CERS6: variants seen among roughly 807,000 people sequenced by gnomAD.
CERS6 encodes the protein LAG1 homolog, ceramide synthase 6.
CERS6 carries 26 observed loss-of-function variants against 56.8 expected under a neutral mutation model. The observed-to-expected ratio is 0.46, with a 90% CI of 0.34 to 0.63. The LOEUF (loss-of-function observed/expected upper bound fraction) is 0.63. Ranked by LOEUF, CERS6 falls within the 30% of genes least tolerant of loss-of-function variation. The pLI, the probability that CERS6 is intolerant of heterozygous loss-of-function variation, is 0.01. For missense variants in CERS6, 415 were observed against 467.5 expected, an observed-to-expected ratio of 0.89 and a Z score of 1.04; for synonymous variants, 164 against 173.3, an observed-to-expected ratio of 0.95 and a Z score of 0.42.
chr2:168,667,600 G>T (rs372136535), intron 4 of CERS6, among the ~76,000 whole-genome samples: 146 of 151,502 alleles, frequency 9.6e-4, no homozygotes, highest in African/African-American at 3.3e-3. Flanking sequence ...TTTTAAATAT[G>T]TTCTCTCTAA....
chr2:168,602,639 G>A (rs1349035365), intron 3 of CERS6, among the ~76,000 whole-genome samples: 6 of 152,210 alleles, frequency 3.9e-5, no homozygotes, highest in African/African-American at 7.2e-5. Flanking sequence ...TGCATGCAGA[G>A]TGGTCAGTGG....
intron 1 of CERS6, among the ~76,000 whole-genome samples, chr2:168,516,979 C>T (rs984054597): frequency 6.6e-6 from 1 of 151,928 alleles, no homozygotes; most frequent in Non-Finnish European, 1.5e-5. Context: ...GAGGCTTTCT[C>T]CTCCCCTCAT....
intron 3 of CERS6, among the ~76,000 whole-genome samples, chr2:168,609,728 T>G (rs1684138552): frequency 1.3e-5 from 2 of 152,140 alleles, no homozygotes; most frequent in Admixed American, 1.3e-4. Flanking sequence ...GGAACTTTCT[T>G]TGAGGTTTGT....
At chr2:168,506,603 A>G (rs1036959726) in intron 1 of CERS6, among the ~76,000 whole-genome samples, 22 of 152,208 alleles carry the variant, frequency 1.4e-4, no homozygotes, top group African/African-American at 5.1e-4. Context: ...GACAATAGAT[A>G]TGAGATCAGT....
chr2:168,488,557 G>A (rs1408192486), intron 1 of CERS6, among the ~76,000 whole-genome samples: 2 of 151,978 alleles, frequency 1.3e-5, no homozygotes, highest in African/African-American at 2.4e-5. Flanking sequence ...AATATAGTTA[G>A]TGACATGATT....
intron 3 of CERS6, among the ~76,000 whole-genome samples, chr2:168,620,883 C>T (rs1574106226): frequency 1.3e-5 from 2 of 151,700 alleles, no homozygotes; most frequent in Admixed American, 1.3e-4. Context: ...CCACCTCAGC[C>T]TCCTGAGTAG....
Position 168,631,018 on chromosome 2 carries a change from C to T in CERS6, c.441C>T (p.Thr147=), listed in dbSNP as rs1281528339. 4 of 1,530,574 alleles carry T rather than the reference C, an allele frequency of 2.6e-6. No individual in the cohort carries two copies. The highest frequency in any genetic ancestry group is 1.8e-4 in the Middle Eastern group (1 of 5,612). The allele number at this position is 1,530,574 out of a possible 1,614,324, so 94.8% of individuals were successfully genotyped here. A position where few individuals can be genotyped will look rare whatever the true frequency, so the allele number is the denominator to read the frequency against. The stretch of plus-strand genomic sequence containing the variant: ...TTTCATTTTACCTTTATGTATTTAC[C>T]TACGGAGTCAGATTCCTGAAAAAGG... ...WRFSFYLYVF[T]YGVRFLKKTP... Residue 147 remains threonine (T), a synonymous_variant, in exon 4 of 10, where the codon ACC becomes ACT. Coordinates refer to ENST00000305747, the MANE Select transcript of CERS6 (RefSeq NM_203463.3).
At chr2:168,472,491 CTTTGTG>C (rs1051423950) in intron 1 of CERS6, among the ~76,000 whole-genome samples, 1 of 152,072 alleles carries the variant, frequency 6.6e-6, no homozygotes, top group African/African-American at 2.4e-5. Flanking sequence ...AACCTTCTTT[CTTTGTG>C]TTAAGTCTGT....
At chr2:168,556,683 AT>A (rs1695684977) in intron 2 of CERS6, among the ~76,000 whole-genome samples, 1 of 152,172 alleles carries the variant, frequency 6.6e-6, no homozygotes, top group South Asian at 2.1e-4. Flanking sequence ...GTGAAAAAGA[AT>A]ACTAAAAATT....
intron 2 of CERS6, among the ~76,000 whole-genome samples, chr2:168,559,356 G>C (rs951131652): frequency 3.9e-5 from 6 of 152,130 alleles, no homozygotes; most frequent in South Asian, 2.1e-4. Flanking sequence ...TATCAACTGG[G>C]TGGCTTAAAC....
intron 8 of CERS6, among the ~76,000 whole-genome samples, chr2:168,753,929 C>T (rs1019944345): frequency 6.6e-5 from 10 of 152,178 alleles, no homozygotes; most frequent in Non-Finnish European, 1.3e-4. Flanking sequence ...TCCTGCCGCC[C>T]ACGCCATGCC....
chr2:168,512,104 C>T (rs1397200284), intron 1 of CERS6, among the ~76,000 whole-genome samples: 1 of 152,090 alleles, frequency 6.6e-6, no homozygotes, highest in East Asian at 1.9e-4. Flanking sequence ...TGTATGATTC[C>T]ACTCATATAA....
chr2:168,732,934 A>AAT lies in CERS6; in HGVS notation c.845+14967_845+14968dup, dbSNP rs575164932. Among the ~76,000 whole-genome samples, 389 of 152,144 alleles carry AAT rather than the reference A, an allele frequency of 2.6e-3. 1 individual carries two copies. The highest frequency in any genetic ancestry group is 6.8e-3 in the Middle Eastern group (2 of 294). ...TGTTTACAATGCAAAGAGATAGATA[A>AAT]ATATATATATATCAAATAGCTATAT... On this transcript the variant is annotated intron_variant, in intron 8 of 9. Coordinates refer to ENST00000305747, the MANE Select transcript of CERS6 (RefSeq NM_203463.3).
intron 4 of CERS6, among the ~76,000 whole-genome samples, chr2:168,643,668 T>C (rs1685098214): frequency 6.6e-6 from 1 of 152,196 alleles, no homozygotes; most frequent in South Asian, 2.1e-4. Context: ...GAGAATTCCT[T>C]TCCTTGCGTT....
intron 6 of CERS6, among the ~76,000 whole-genome samples, chr2:168,712,809 T>A (rs1687126525): frequency 6.6e-6 from 1 of 151,986 alleles, no homozygotes; most frequent in Non-Finnish European, 1.5e-5. Context: ...CTTGGTTGTT[T>A]TCTCTGGCTT....
chr2:168,733,005 A>G (rs1439498600), intron 8 of CERS6, among the ~76,000 whole-genome samples: 1 of 152,226 alleles, frequency 6.6e-6, no homozygotes, highest in African/African-American at 2.4e-5. Context: ...GTTGTGCTTA[A>G]TATGATCTAC....
chr2:168,631,844 A>ATATATTTATTATATAATATATAT lies in CERS6; in HGVS notation c.465+807_465+808insTTATTATATAATATATATTATAT, dbSNP rs1553501761. Among the ~76,000 whole-genome samples the ATATATTTATTATATAATATATAT allele has an allele frequency of 3.9e-5, 5 of 128,614 alleles. No homozygotes were observed. The East Asian group carries it at 1.1e-3, about 29-fold the overall frequency. 84.4% of individuals were successfully genotyped at this position (128,614 alleles called of 152,430 possible). ...TATATTATATAATATATATTATATA[A>ATATATTTATTATATAATATATAT]TATATATTATATATTATACATTTAT... On this transcript the variant is annotated intron_variant, in intron 4 of 9. Coordinates refer to ENST00000305747, the MANE Select transcript of CERS6 (RefSeq NM_203463.3).
intron 2 of CERS6, among the ~76,000 whole-genome samples, chr2:168,547,928 A>T (rs1695496998): frequency 6.6e-6 from 1 of 152,210 alleles, no homozygotes; most frequent in South Asian, 2.1e-4. Context: ...TCACCTGAGA[A>T]TAGTCTTGAC....
chr2:168,666,452 G>T (rs191269127), intron 4 of CERS6, among the ~76,000 whole-genome samples: 1 of 152,264 alleles, frequency 6.6e-6, no homozygotes, highest in East Asian at 1.9e-4. Flanking sequence ...TTAGTAGTAT[G>T]CATTTAAGCT....
Sources: allele counts gnomAD v4.1 joint callset (sites outside exome capture counted in the v4.1 genomes callset), GRCh38; gene constraint gnomAD v4.1.1; transcripts MANE v1.5; gene names NCBI Gene and HGNC (gene_info 2026-07-23, HGNC 2026-07-21).